Variants in TUB observed in about 807,000 individuals in gnomAD.
TUB encodes the protein tubby protein homolog.
Under a neutral mutation model 59.7 loss-of-function variants are expected in TUB, and 33 were observed. The observed-to-expected ratio is 0.55, with a 90% CI of 0.42 to 0.74. The LOEUF is 0.74. TUB is among the 30% of genes least tolerant of loss of function. TUB has a pLI of 0.00. For synonymous variants in TUB, 293 were observed against 256.4 expected (o/e 1.14, Z -1.36); for missense variants, 659 against 672.0 (o/e 0.98, Z 0.21).
chr11:8,091,736 C>A (rs1000074887), intron 3 of TUB, among the ~76,000 whole-genome samples: 4 of 152,210 alleles, frequency 2.6e-5, no homozygotes, highest in Admixed American at 1.3e-4. Context: ...GCCCAGCTGT[C>A]TCACAGAGGC....
At chr11:8,082,031 A>G (rs1251835559) in intron 1 of TUB, among the ~76,000 whole-genome samples, 2 of 152,242 alleles carry the variant, frequency 1.3e-5, no homozygotes, top group Non-Finnish European at 2.9e-5. Flanking sequence ...ACCAGTGGTC[A>G]TGTGGACATG....
At chr11:8,034,140 A>G (rs1040356721), upstream of TUB, among the ~76,000 whole-genome samples, 2 of 152,162 alleles carry the variant, frequency 1.3e-5, no homozygotes, top group Non-Finnish European at 2.9e-5. Context: ...CCTAACAGCA[A>G]CGTGTGGCTA....
chr11:8,090,208 G>C lies in TUB; in HGVS notation c.230G>C (p.Ser77Thr). 1 of 1,613,706 alleles carries C rather than the reference G, an allele frequency of 6.2e-7. No homozygotes were observed. The highest frequency in any genetic ancestry group is 1.1e-5 in the South Asian group (1 of 91,072). The change falls in exon 3 of 12, where the codon AGC becomes ACC. Residue 77 changes from serine (S) to threonine (T), a missense_variant. Ser to Thr is a moderately conservative substitution (Grantham distance 58). Transcript: ENST00000299506. ...QAPLVESYLSSSGSTSYQVQE... is the reference protein window; with the variant it reads ...QAPLVESYLSTSGSTSYQVQE... ...CCCCTGGTGGAGTCCTACCTCAGCA[G>C]CAGTGGCAGCACCAGCTACCAAGGT...
At chr11:8,099,457 G>T (rs546078762) in intron 9 of TUB, among the ~76,000 whole-genome samples, 1 of 152,260 alleles carries the variant, frequency 6.6e-6, no homozygotes, top group Admixed American at 6.5e-5. Flanking sequence ...CCATCAGTAA[G>T]TAATCCACAG....
At chr11:8,065,447 G>A (rs377008112) in intron 2 of TUB, among the ~76,000 whole-genome samples, 5 of 152,320 alleles carry the variant, frequency 3.3e-5, no homozygotes, top group African/African-American at 1.2e-4. Context: ...CTTACTGTGT[G>A]ACCTCAGTTC....
chr11:8,078,797 G>T (rs531133483), upstream of TUB, among the ~76,000 whole-genome samples: 1 of 151,924 alleles, frequency 6.6e-6, no homozygotes, highest in African/African-American at 2.4e-5. Context: ...GCATACACTG[G>T]CACACAGTCC....
intron 2 of TUB, among the ~76,000 whole-genome samples, chr11:8,051,584 G>T (rs770840739): frequency 6.6e-6 from 1 of 152,122 alleles, no homozygotes; most frequent in African/African-American, 2.4e-5. Flanking sequence ...TTCCAGAAAG[G>T]CTATCAATCC....
At chr11:8,032,105 G>A (rs11041716) in intron 1 of TUB, among the ~76,000 whole-genome samples, 2,138 of 151,810 alleles carry the variant, frequency 0.014, 50 homozygotes, top group African/African-American at 0.049. Flanking sequence ...TGAGTGTCCC[G>A]CCTGGGGAAA....
chr11:8,058,634 C>G (rs59118706), intron 2 of TUB, among the ~76,000 whole-genome samples: 27,493 of 152,212 alleles, frequency 0.18, 2,666 homozygotes, highest in African/African-American at 0.24. Flanking sequence ...AAACTATTAA[C>G]CTATTCAGCA....
At chr11:8,089,830 G>A (rs562208847) in intron 2 of TUB, among the ~76,000 whole-genome samples, 169 bp downstream of exon 2, 71 of 152,248 alleles carry the variant, frequency 4.7e-4, no homozygotes, top group Non-Finnish European at 9.1e-4. Context: ...TAACCCTGCC[G>A]CGGCACATGG....
At chr11:8,089,292 A>T (rs1943727055) in intron 1 of TUB, among the ~76,000 whole-genome samples, 1 of 152,066 alleles carries the variant, frequency 6.6e-6, no homozygotes, top group African/African-American at 2.4e-5. Flanking sequence ...ATGCCTCTGG[A>T]TAGTTCTCTT....
At chr11:8,047,508 G>T (rs760937518) in intron 2 of TUB, among the ~76,000 whole-genome samples, 3 of 152,152 alleles carry the variant, frequency 2.0e-5, no homozygotes, top group Non-Finnish European at 2.9e-5. Flanking sequence ...TGGAGGTGTG[G>T]AGCCATGGCT....
chr11:8,043,846 A>G (rs1293858308), intron 2 of TUB, among the ~76,000 whole-genome samples: 3 of 152,186 alleles, frequency 2.0e-5, no homozygotes, highest in Non-Finnish European at 2.9e-5. Flanking sequence ...TATGTCTTGT[A>G]TGAGTAGAGA....
intron 3 of TUB, among the ~76,000 whole-genome samples, chr11:8,092,556 C>T (rs11041738): frequency 0.23 from 35,714 of 152,034 alleles, 4,504 homozygotes; most frequent in East Asian, 0.39. Context: ...GAAGGAGCCA[C>T]GGTGTGTTCC....
chr11:8,102,215 G>T lies in TUB; in HGVS notation c.*596G>T, dbSNP rs1944338224. Reference sequence around the variant, plus strand: ...GGGTGGTGGGGACAGGTAAGTGGCAGGACCCTGTCAGGATTGCAGGTGCCT... The same window carrying T: ...GGGTGGTGGGGACAGGTAAGTGGCATGACCCTGTCAGGATTGCAGGTGCCT... On this transcript the variant is annotated 3_prime_UTR_variant, in exon 12 of 12. Transcript: ENST00000299506. The T allele has an allele frequency of 6.6e-6, 1 of 152,472 alleles. No individual in the cohort carries two copies. The highest frequency in any genetic ancestry group is 2.4e-5 in the African/African-American group (1 of 41,470). 9.4% of individuals were successfully genotyped at this position (152,472 alleles called of 1,614,324 possible). A position where few individuals can be genotyped will look rare whatever the true frequency, so the allele number is the denominator to read the frequency against.
chr11:8,074,119 T>C (rs1315408690), intron 2 of TUB, among the ~76,000 whole-genome samples: 9 of 152,124 alleles, frequency 5.9e-5, no homozygotes, highest in Non-Finnish European at 1.2e-4. Context: ...CCAAATCTAT[T>C]TTGTACCAAT....
At chr11:8,038,578 GTGTTGCCATGGAAACCAGCA>G (rs1942685504), upstream of TUB, 1 of 1,119,840 alleles carries the variant, frequency 8.9e-7, no homozygotes, top group Admixed American at 4.7e-5. Context: ...CTTGGCCTCC[GTGTTGCCATGGAAACCAGCA>G]ATTGGGTGTC....
Position 8,090,139 on chromosome 11 carries a change from G to T in TUB, c.161G>T (p.Gly54Val). 6.2e-7 allele frequency: 1 copy of T among 1,613,588 alleles called. No individual in the cohort carries two copies. The highest frequency in any genetic ancestry group is 8.5e-7 in the Non-Finnish European group (1 of 1,179,862). ...CTGATGGTGCAGGCCAATGCAGATGGGCGGCCCCGGAGCCGGCGGGCCCGG... is the reference window on the plus strand; with the variant it reads ...CTGATGGTGCAGGCCAATGCAGATGTGCGGCCCCGGAGCCGGCGGGCCCGG... ...EPLMVQANAD[G>V]RPRSRRARQS... The change falls in exon 3 of 12, where the codon GGG becomes GTG. Residue 54 changes from glycine to valine, a missense_variant. By Grantham distance (109) the Gly-to-Val change is moderately radical. Around this residue, in one of 3 missense-constraint regions of TUB, gnomAD observed 321 missense variants for 304.3 expected, o/e 1.05. Coordinates refer to ENST00000299506, the MANE Select transcript of TUB (RefSeq NM_177972.3).
chr11:8,093,999 C>T (rs1371241936), intron 3 of TUB, 47 bp from the exon 4 acceptor site: 3 of 1,613,014 alleles, frequency 1.9e-6, no homozygotes, highest in South Asian at 2.2e-5. Context: ...TCTGGTCTCA[C>T]CCACTGCCTG....
Sources: allele counts gnomAD v4.1 joint callset (sites outside exome capture counted in the v4.1 genomes callset), GRCh38; gene constraint gnomAD v4.1.1; regional missense constraint gnomAD v4.1.1; transcripts MANE v1.5; gene names NCBI Gene and HGNC (gene_info 2026-07-23, HGNC 2026-07-21).